Variants in THSD7B observed in about 807,000 individuals in gnomAD.
THSD7B encodes thrombospondin type-1 domain-containing protein 7B.
In THSD7B, 138 loss-of-function variants were observed where a neutral mutation model predicts 213.6. The ratio of observed to expected loss-of-function variants is 0.65; its 90% CI spans 0.56 to 0.74. The LOEUF (loss-of-function observed/expected upper bound fraction) is 0.74, where lower values mean the gene tolerates loss of function less well. Among genes scored for constraint, THSD7B ranks in the 30% least tolerant of loss-of-function variants. THSD7B has a pLI of 0.00. For missense variants in THSD7B, 1,931 were observed against 1,991.5 expected (o/e 0.97, Z 0.58); for synonymous variants, 742 against 687.0 (o/e 1.08, Z -1.25).
At position 137,405,678 on chromosome 2, in the gene THSD7B, GGCAT is replaced by G. The variant is rs767421368; in HGVS notation, c.2569_2572del (p.Met857LeufsTer58). 4 of 1,613,238 alleles carry G rather than the reference GGCAT, an allele frequency of 2.5e-6. No homozygotes were observed. Among genetic ancestry groups the G allele is most frequent in the Non-Finnish European group, 3.4e-6 (4 of 1,179,686 alleles). On this transcript the variant is annotated frameshift_variant, in exon 13 of 28. Transcript: ENST00000409968. LOFTEE classifies it high-confidence loss of function. Reference sequence around the variant, plus strand: ...GATGGAATGCCTCAAGCAGACAAACGGCATGCCTCTCCTTGTGCAAGAATGCACA... The same window carrying G: ...GATGGAATGCCTCAAGCAGACAAACGGCCTCTCCTTGTGCAAGAATGCACA...
intron 3 of THSD7B, among the ~76,000 whole-genome samples, chr2:137,062,159 T>A (rs1687288123): frequency 6.6e-6 from 1 of 151,732 alleles, no homozygotes; most frequent in South Asian, 2.1e-4. Context: ...CTTTTTCCTT[T>A]TAATAGCTAT....
At chr2:137,234,973 A>G (rs1681732860) in intron 9 of THSD7B, among the ~76,000 whole-genome samples, 1 of 152,112 alleles carries the variant, frequency 6.6e-6, no homozygotes, top group South Asian at 2.1e-4. Flanking sequence ...TATCAGTTGT[A>G]TTTTTCAACT....
chr2:136,920,050 G>A (rs1684409170), intron 2 of THSD7B, among the ~76,000 whole-genome samples: 1 of 152,220 alleles, frequency 6.6e-6, no homozygotes, highest in South Asian at 2.1e-4. Flanking sequence ...CTTCCTAAAG[G>A]GCTGCAGCTC....
At chr2:137,538,988 G>T (rs951286281) in intron 15 of THSD7B, among the ~76,000 whole-genome samples, 1 of 151,566 alleles carries the variant, frequency 6.6e-6, no homozygotes, top group Non-Finnish European at 1.5e-5. Flanking sequence ...AAAATTAATG[G>T]TGTTTCTCTT....
intron 1 of THSD7B, among the ~76,000 whole-genome samples, chr2:136,783,566 C>A (rs1449180946): frequency 6.6e-6 from 1 of 151,878 alleles, no homozygotes; most frequent in Admixed American, 6.6e-5. Flanking sequence ...GACCTGGAAC[C>A]CTGAAGGAGT....
At chr2:137,478,336 CT>C (rs2105101963) in intron 15 of THSD7B, among the ~76,000 whole-genome samples, 1 of 152,148 alleles carries the variant, frequency 6.6e-6, no homozygotes, top group African/African-American at 2.4e-5. Flanking sequence ...ATTCTTTTGT[CT>C]GATTGATTGA....
chr2:137,433,885 G>C (rs1687237918), intron 14 of THSD7B, among the ~76,000 whole-genome samples: 1 of 152,112 alleles, frequency 6.6e-6, no homozygotes, highest in South Asian at 2.1e-4. Context: ...ATGTTCAGCT[G>C]CCCTTTGGGT....
chr2:137,023,362 G>A (rs1053019130), intron 2 of THSD7B, among the ~76,000 whole-genome samples: 1 of 152,078 alleles, frequency 6.6e-6, no homozygotes, highest in African/African-American at 2.4e-5. Flanking sequence ...TAGCTTCCAG[G>A]GTTTCTCTTT....
At chr2:137,121,090 C>T (rs538203547) in intron 5 of THSD7B, among the ~76,000 whole-genome samples, 1 of 152,230 alleles carries the variant, frequency 6.6e-6, no homozygotes, top group East Asian at 1.9e-4. Context: ...GTGTAACAAA[C>T]TTATCTTAGT....
At chr2:137,358,023 T>C (rs530477268) in intron 12 of THSD7B, among the ~76,000 whole-genome samples, 58 of 152,378 alleles carry the variant, frequency 3.8e-4, no homozygotes, top group African/African-American at 1.4e-3. Flanking sequence ...CCTAACACTT[T>C]CCCTTTTTTA....
chr2:137,559,505 A>G (rs1298891488), intron 15 of THSD7B, among the ~76,000 whole-genome samples: 2 of 152,232 alleles, frequency 1.3e-5, no homozygotes, highest in African/African-American at 4.8e-5. Context: ...AAAACTGGCT[A>G]GCCATATGTA....
intron 12 of THSD7B, among the ~76,000 whole-genome samples, chr2:137,340,333 T>G (rs1212717647): frequency 6.6e-6 from 1 of 151,920 alleles, no homozygotes; most frequent in Admixed American, 6.6e-5. Context: ...TTATTATAAA[T>G]TGATAGTTTA....
At chr2:137,314,866 T>C (rs1378276901) in intron 12 of THSD7B, among the ~76,000 whole-genome samples, 1 of 152,244 alleles carries the variant, frequency 6.6e-6, no homozygotes, top group African/African-American at 2.4e-5. Flanking sequence ...CTGCCCGTTC[T>C]CAGATCTCCA....
chr2:137,669,660 G>A lies in THSD7B; in HGVS notation c.4739+1799G>A, dbSNP rs549092736. 1.4e-4 allele frequency among the ~76,000 whole-genome samples: 22 copies of A among 152,280 alleles called. No individual in the cohort carries two copies. In the South Asian group the frequency reaches 4.6e-3, roughly 32 times the overall value. ...AAACTGCTTTCAAAGCAATCAGTAG[G>A]CCAACCCAGTGTAAGGTAATTAGAT... On this transcript the variant is annotated intron_variant, in intron 27 of 27. Coordinates refer to ENST00000409968, the MANE Select transcript of THSD7B (RefSeq NM_001316349.2).
intron 7 of THSD7B, among the ~76,000 whole-genome samples, chr2:137,187,338 G>T (rs1208593894): frequency 6.6e-6 from 1 of 152,174 alleles, no homozygotes; most frequent in Non-Finnish European, 1.5e-5. Context: ...TTCCTCAGGA[G>T]ATCTGTGAGC....
At chr2:137,328,723 G>C (rs1384851687) in intron 12 of THSD7B, among the ~76,000 whole-genome samples, 2 of 152,206 alleles carry the variant, frequency 1.3e-5, no homozygotes, top group East Asian at 1.9e-4. Context: ...AGAGGGACCT[G>C]GTGGGAGGTA....
At chr2:137,215,404 A>C (rs1299832669) in intron 7 of THSD7B, among the ~76,000 whole-genome samples, 3 of 152,150 alleles carry the variant, frequency 2.0e-5, no homozygotes, top group Non-Finnish European at 4.4e-5. Context: ...GCAGATTCCC[A>C]AACAGGTTAT....
At chr2:137,436,984 G>A (rs1372326387) in intron 14 of THSD7B, among the ~76,000 whole-genome samples, 2 of 152,118 alleles carry the variant, frequency 1.3e-5, no homozygotes, top group East Asian at 3.9e-4. Context: ...CTAGGTATAG[G>A]TTAGTTTTAC....
chr2:136,846,880 A>C (rs911769353), intron 1 of THSD7B, among the ~76,000 whole-genome samples: 4 of 152,162 alleles, frequency 2.6e-5, no homozygotes. Context: ...TAATAAAAAT[A>C]GTGATGAAAA....
Sources: allele counts gnomAD v4.1 joint callset (sites outside exome capture counted in the v4.1 genomes callset), GRCh38; gene constraint gnomAD v4.1.1; transcripts MANE v1.5; gene names NCBI Gene and HGNC (gene_info 2026-07-23, HGNC 2026-07-21).